Variants in SLC28A3 observed in about 807,000 individuals in gnomAD.
The protein encoded by SLC28A3 is solute carrier family 28 member 3.
A neutral mutation model predicts 84.2 loss-of-function variants in SLC28A3; 68 were observed. The ratio of observed to expected loss-of-function variants is 0.81; its 90% CI spans 0.66 to 0.99. SLC28A3 has a LOEUF of 0.99. Ranked by LOEUF, SLC28A3 falls within the 50% of genes least tolerant of loss-of-function variation. The probability of loss-of-function intolerance (pLI) is 0.00; values close to 1 mark genes in which losing one functional copy is unlikely to be tolerated. For synonymous variants in SLC28A3, 267 were observed against 303.6 expected, an observed-to-expected ratio of 0.88 and a Z score of 1.25; for missense variants, 712 against 841.5, an observed-to-expected ratio of 0.85 and a Z score of 1.90.
chr9:84,280,342 C>T (rs910889466), intron 15 of SLC28A3, among the ~76,000 whole-genome samples: 5 of 152,112 alleles, frequency 3.3e-5, no homozygotes, highest in Admixed American at 2.0e-4. Flanking sequence ...AAGTTTCATC[C>T]AAAGGGCTAT....
rs1824532192 is a variant in SLC28A3, at chr9:84,276,528, C to T, written c.*1690G>A. On this transcript the variant is annotated 3_prime_UTR_variant, in exon 18 of 18. Coordinates refer to ENST00000376238, the MANE Select transcript of SLC28A3 (RefSeq NM_001199633.2). The stretch of plus-strand genomic sequence containing the variant: ...ATGTCCACAGAGGAATGGTATGATA[C>T]ATAAACATAACATTCTGTGGGGTAT... 6.6e-6 allele frequency: 1 copy of T among 152,060 alleles called. No homozygotes were observed. Among genetic ancestry groups the T allele is most frequent in the African/African-American group, 2.4e-5 (1 of 41,412 alleles). The allele number at this position is 152,060 out of a possible 1,614,324, so 9.4% of individuals were successfully genotyped here.
intron 11 of SLC28A3, among the ~76,000 whole-genome samples, chr9:84,289,205 C>G (rs1398691083): frequency 6.6e-6 from 1 of 152,228 alleles, no homozygotes; most frequent in Non-Finnish European, 1.5e-5. Context: ...AGATGATCCA[C>G]TCAAGCTGCT....
Position 84,309,381 on chromosome 9 carries a change from G to A in SLC28A3, c.242+248C>T, listed in dbSNP as rs564486008. Among the ~76,000 whole-genome samples the A allele has an allele frequency of 2.0e-5, 3 of 151,990 alleles. No individual in the cohort carries two copies. The South Asian group carries it at 6.2e-4, about 32-fold the overall frequency. ...CTACTAAAAATACAAAAATTAGCCA[G>A]GCGTGGTGGCATGCGCCTGTAGTCC... On this transcript the variant is annotated intron_variant, in intron 3 of 17. Coordinates refer to ENST00000376238, the MANE Select transcript of SLC28A3 (RefSeq NM_001199633.2).
intron 10 of SLC28A3, among the ~76,000 whole-genome samples, chr9:84,291,345 T>G (rs1037536281): frequency 2.6e-5 from 4 of 152,158 alleles, no homozygotes; most frequent in African/African-American, 9.6e-5. Flanking sequence ...TAGGTTTTTT[T>G]TCTTTTTTGA....
chr9:84,281,256 T>A (rs1344090439), intron 14 of SLC28A3, among the ~76,000 whole-genome samples: 1 of 152,192 alleles, frequency 6.6e-6, no homozygotes. Context: ...AATATTCACA[T>A]TACATTTACT....
At chr9:84,319,669 A>T (rs923643282) in intron 1 of SLC28A3, among the ~76,000 whole-genome samples, 1 of 152,170 alleles carries the variant, frequency 6.6e-6, no homozygotes, top group Non-Finnish European at 1.5e-5. Context: ...GACTATTTCA[A>T]ACTGGCTCTA....
chr9:84,319,092 A>T (rs960841628), intron 1 of SLC28A3, among the ~76,000 whole-genome samples: 2 of 152,172 alleles, frequency 1.3e-5, no homozygotes, highest in Non-Finnish European at 2.9e-5. Flanking sequence ...AAATCATTAG[A>T]AGGCTACTTG....
At chr9:84,316,403 G>A (rs978848293) in intron 1 of SLC28A3, among the ~76,000 whole-genome samples, 2 of 152,194 alleles carry the variant, frequency 1.3e-5, no homozygotes, top group Non-Finnish European at 2.9e-5. Flanking sequence ...GGGGCAGCTC[G>A]GGGAATGTTC....
chr9:84,314,982 C>T (rs1826120537), intron 1 of SLC28A3, among the ~76,000 whole-genome samples: 1 of 152,104 alleles, frequency 6.6e-6, no homozygotes, highest in Non-Finnish European at 1.5e-5. Context: ...GAGGCTGAGG[C>T]AGGAGAATTG....
chr9:84,335,318 G>C (rs949711526), intron 1 of SLC28A3, among the ~76,000 whole-genome samples: 5 of 152,170 alleles, frequency 3.3e-5, no homozygotes, highest in African/African-American at 1.2e-4. Flanking sequence ...GGAAACCCAG[G>C]AAGAGATGGG....
the SLC28A3 span, among the ~76,000 whole-genome samples, chr9:84,352,432 C>T: frequency 6.6e-6 from 1 of 152,004 alleles, no homozygotes; most frequent in African/African-American, 2.4e-5. Context: ...ATCCGCCTGC[C>T]TGTGCCTCCC....
rs1163056455 is a variant in SLC28A3, at chr9:84,322,753, C to T, written c.61-9299G>A. Among the ~76,000 whole-genome samples the T allele has an allele frequency of 3.3e-5, 5 of 151,980 alleles. No individual in the cohort carries two copies. In the South Asian group the frequency reaches 6.2e-4, roughly 19 times the overall value. On this transcript the variant is annotated intron_variant, in intron 1 of 17. Coordinates refer to ENST00000376238, the MANE Select transcript of SLC28A3 (RefSeq NM_001199633.2). ...CCAGCTACTTGGGAGACATGAGAATCGCTTGAGCCCAGGAGGTGGAGGTTG... is the reference window on the plus strand; with the variant it reads ...CCAGCTACTTGGGAGACATGAGAATTGCTTGAGCCCAGGAGGTGGAGGTTG...
Position 84,320,040 on chromosome 9 carries a change from G to GTTTTTTGTTTTTTTTTTTTTTTTTTT in SLC28A3, c.61-6587_61-6586insAAAAAAAAAAAAAAAAAAACAAAAAA, listed in dbSNP as rs1826311957. The stretch of plus-strand genomic sequence containing the variant: ...TACTCATTCCAGCCTGGCTTGCACT[G>GTTTTTTGTTTTTTTTTTTTTTTTTTT]TTTTTTTTTTTTTTTTTTTTTTTTT... On this transcript the variant is annotated intron_variant, in intron 1 of 17. Coordinates refer to ENST00000376238, the MANE Select transcript of SLC28A3 (RefSeq NM_001199633.2). Among the ~76,000 whole-genome samples the GTTTTTTGTTTTTTTTTTTTTTTTTTT allele has an allele frequency of 3.4e-5, 2 of 59,566 alleles. 1 individual carries two copies. Among genetic ancestry groups the GTTTTTTGTTTTTTTTTTTTTTTTTTT allele is most frequent in the Non-Finnish European group, 6.0e-5 (2 of 33,220 alleles). 39.1% of individuals were successfully genotyped at this position (59,566 alleles called of 152,430 possible).
At chr9:84,362,718 A>T in the SLC28A3 span, among the ~76,000 whole-genome samples, 1 of 152,064 alleles carries the variant, frequency 6.6e-6, no homozygotes, top group Non-Finnish European at 1.5e-5. Context: ...ATCAAAGGTG[A>T]TGAACTTTTT....
chr9:84,288,056 C>T lies in SLC28A3; in HGVS notation c.1272G>A (p.Met424Ile), dbSNP rs148078245. The T allele has an allele frequency of 1.4e-4, 227 of 1,613,922 alleles. No individual in the cohort carries two copies. In the African/African-American group the frequency reaches 2.7e-3, roughly 19 times the overall value. ...PKITLKNAMK[M>I]ESGDSGNLLE... is the part of the protein sequence containing the mutation. ...GAATGTGTCACACTTACCCACTTTCCATTTTCATGGCATTCTTGAGGGTTA... is the reference window on the plus strand; with the variant it reads ...GAATGTGTCACACTTACCCACTTTCTATTTTCATGGCATTCTTGAGGGTTA... The change falls in exon 12 of 18, where the codon ATG becomes ATA. Residue 424 changes from methionine (M) to isoleucine (I), a missense_variant. Met to Ile is a conservative substitution (Grantham distance 10). Transcript: ENST00000376238.
intron 12 of SLC28A3, 22 bp from the exon 13 acceptor site, chr9:84,286,133 C>A (rs1454036558): frequency 6.2e-7 from 1 of 1,609,716 alleles, no homozygotes; most frequent in Non-Finnish European, 8.5e-7. Context: ...AATAGCAATT[C>A]CAGAATTACC....
At chr9:84,305,846 T>C (rs1187701075) in intron 3 of SLC28A3, among the ~76,000 whole-genome samples, 7 of 152,192 alleles carry the variant, frequency 4.6e-5, no homozygotes, top group Admixed American at 4.6e-4. Context: ...ATGGACCTCA[T>C]GGGGTGTGCT....
At chr9:84,303,896 A>G (rs1383834886) in intron 4 of SLC28A3, among the ~76,000 whole-genome samples, 2 of 152,118 alleles carry the variant, frequency 1.3e-5, no homozygotes, top group African/African-American at 4.8e-5. Flanking sequence ...GACTCCCCCT[A>G]TAGCTTATTG....
At position 84,275,729 on chromosome 9, in the gene SLC28A3, G is replaced by A. The variant is rs1588548203; in HGVS notation, c.*2489C>T. 3 of 152,144 alleles carry A rather than the reference G, an allele frequency of 2.0e-5. No homozygotes were observed. The highest frequency in any genetic ancestry group is 4.8e-5 in the African/African-American group (2 of 41,422). 9.4% of individuals were successfully genotyped at this position (152,144 alleles called of 1,614,324 possible). On this transcript the variant is annotated 3_prime_UTR_variant, in exon 18 of 18. Transcript: ENST00000376238. ...GTTTCTGGGGGTAACAAGCTCAAGAGGCTTAACCAGCTCATTTTCCTGGTC... is the reference window on the plus strand; with the variant it reads ...GTTTCTGGGGGTAACAAGCTCAAGAAGCTTAACCAGCTCATTTTCCTGGTC...
Sources: allele counts gnomAD v4.1 joint callset (sites outside exome capture counted in the v4.1 genomes callset), GRCh38; gene constraint gnomAD v4.1.1; transcripts MANE v1.5; gene names NCBI Gene and HGNC (gene_info 2026-07-23, HGNC 2026-07-21).